The following EYS variants were observed in gnomAD, a reference collection of about 807,000 sequenced individuals.
The protein encoded by EYS is protein eyes shut homolog.
In EYS, 250 loss-of-function variants were observed where a neutral mutation model predicts 282.1. The observed-to-expected ratio is 0.89, with a 90% CI of 0.80 to 0.98. The LOEUF (loss-of-function observed/expected upper bound fraction) is 0.98, where lower values mean the gene tolerates loss of function less well. EYS is among the 50% of genes least tolerant of loss of function. The probability of loss-of-function intolerance (pLI) is 0.00; values close to 1 mark genes in which losing one functional copy is unlikely to be tolerated. For missense variants in EYS, 4,016 were observed against 3,709.0 expected (o/e 1.08, Z -2.15); for synonymous variants, 1,355 against 1,282.9 (o/e 1.06, Z -1.20).
intron 30 of EYS, among the ~76,000 whole-genome samples, chr6:64,265,232 G>A (rs1256625894): frequency 6.6e-6 from 1 of 152,080 alleles, no homozygotes. Flanking sequence ...TATGCATTTT[G>A]TAGAAGAATT....
intron 12 of EYS, among the ~76,000 whole-genome samples, chr6:65,214,751 G>T (rs1242347114): frequency 6.6e-6 from 1 of 152,154 alleles, no homozygotes; most frequent in Non-Finnish European, 1.5e-5. Flanking sequence ...CAAATCACAG[G>T]CTGACTCTTG....
chr6:65,583,372 G>C (rs1303009282), intron 2 of EYS, among the ~76,000 whole-genome samples: 3 of 152,010 alleles, frequency 2.0e-5, no homozygotes, highest in Admixed American at 6.6e-5. Context: ...CAATTACTAT[G>C]CTTTTCGTTA....
At position 65,395,355 on chromosome 6, in the gene EYS, G is replaced by A. The variant is rs570334616; in HGVS notation, c.1184+7123C>T. Among the ~76,000 whole-genome samples the A allele has an allele frequency of 9.9e-5, 15 of 152,282 alleles. No homozygotes were observed. In the East Asian group the frequency reaches 1.2e-3, roughly 12 times the overall value. Reference sequence around the variant, plus strand: ...TGGGATTACAGGCGTGAGCCACTGCGCCCAGCAATCTCAACCTTACTTTGC... The same window carrying A: ...TGGGATTACAGGCGTGAGCCACTGCACCCAGCAATCTCAACCTTACTTTGC... On this transcript the variant is annotated intron_variant, in intron 7 of 42. Transcript: ENST00000503581.
At chr6:65,006,957 T>A (rs1206629424) in intron 13 of EYS, among the ~76,000 whole-genome samples, 1 of 152,206 alleles carries the variant, frequency 6.6e-6, no homozygotes, top group Non-Finnish European at 1.5e-5. Context: ...TTTACAAGAA[T>A]GCATCTTGAT....
chr6:65,532,192 T>C (rs1317145270), intron 2 of EYS, among the ~76,000 whole-genome samples: 2 of 152,148 alleles, frequency 1.3e-5, no homozygotes, highest in East Asian at 1.9e-4. Flanking sequence ...TATATAATCA[T>C]ATGCTTAACA....
chr6:65,428,349 AATG>A (rs1204841007), intron 5 of EYS, among the ~76,000 whole-genome samples: 1 of 152,200 alleles, frequency 6.6e-6, no homozygotes, highest in African/African-American at 2.4e-5. Context: ...AATACATTGA[AATG>A]ATAAAAGGCT....
intron 36 of EYS, among the ~76,000 whole-genome samples, chr6:63,842,450 T>A (rs1771985927): frequency 6.6e-6 from 1 of 152,216 alleles, no homozygotes; most frequent in Non-Finnish European, 1.5e-5. Flanking sequence ...CACTTTTTGA[T>A]GGGGCTTGTT....
At chr6:65,033,182 GAA>G (rs953835860) in intron 13 of EYS, among the ~76,000 whole-genome samples, 1 of 151,956 alleles carries the variant, frequency 6.6e-6, no homozygotes, top group Non-Finnish European at 1.5e-5. Flanking sequence ...GTGGGAGAAA[GAA>G]ATGACCCAAA....
intron 22 of EYS, among the ~76,000 whole-genome samples, chr6:64,809,484 TA>T (rs1381210044): frequency 6.6e-6 from 1 of 151,794 alleles, no homozygotes; most frequent in African/African-American, 2.4e-5. Context: ...GGAACAAAAA[TA>T]TAAAAACTGA....
intron 31 of EYS, among the ~76,000 whole-genome samples, chr6:64,150,517 A>T (rs1287940961): frequency 6.6e-6 from 1 of 152,196 alleles, no homozygotes. Context: ...TATTTTTAGG[A>T]GATGATATTT....
At chr6:64,598,271 T>C (rs371507456) in intron 24 of EYS, among the ~76,000 whole-genome samples, 2 of 152,082 alleles carry the variant, frequency 1.3e-5, no homozygotes, top group East Asian at 1.9e-4. Context: ...CCATCCTTGC[T>C]AACACGGTGA....
At chr6:65,486,507 ACAGT>A (rs1765789187) in intron 5 of EYS, among the ~76,000 whole-genome samples, 1 of 152,236 alleles carries the variant, frequency 6.6e-6, no homozygotes, top group South Asian at 2.1e-4. Context: ...TTTGAACATT[ACAGT>A]AAGTTGCATT....
At chr6:64,804,089 G>C (rs1373297637) in intron 22 of EYS, among the ~76,000 whole-genome samples, 1 of 152,086 alleles carries the variant, frequency 6.6e-6, no homozygotes, top group Non-Finnish European at 1.5e-5. Context: ...GCAGTGGCTG[G>C]TCCAGATGGG....
At chr6:65,005,270 C>T (rs573171883) in intron 13 of EYS, among the ~76,000 whole-genome samples, 7 of 147,952 alleles carry the variant, frequency 4.7e-5, no homozygotes, top group Admixed American at 1.3e-4. Flanking sequence ...TAAGTGCCTG[C>T]GTTCATCCTA....
At chr6:65,008,399 A>G (rs1214193007) in intron 13 of EYS, among the ~76,000 whole-genome samples, 1 of 152,138 alleles carries the variant, frequency 6.6e-6, no homozygotes, top group Non-Finnish European at 1.5e-5. Flanking sequence ...ACCCTATTGA[A>G]CGTGGCAACC....
At chr6:64,872,715 G>A (rs1766631002) in intron 19 of EYS, among the ~76,000 whole-genome samples, 1 of 152,004 alleles carries the variant, frequency 6.6e-6, no homozygotes, top group African/African-American at 2.4e-5. Context: ...ATGATAGTGA[G>A]AGTAAACACA....
At chr6:65,160,959 C>A (rs150371146) in intron 12 of EYS, among the ~76,000 whole-genome samples, 1 of 149,584 alleles carries the variant, frequency 6.7e-6, no homozygotes, top group Non-Finnish European at 1.5e-5. Flanking sequence ...TATCTCCCTA[C>A]CTTCTATCTC....
At chr6:65,034,049 G>A (rs1048541867) in intron 13 of EYS, among the ~76,000 whole-genome samples, 6 of 152,174 alleles carry the variant, frequency 3.9e-5, no homozygotes, top group Admixed American at 6.6e-5. Context: ...TTATTTTGAA[G>A]CTTTAAGACT....
At chr6:64,316,082 C>G (rs928005402) in intron 29 of EYS, among the ~76,000 whole-genome samples, 1 of 152,132 alleles carries the variant, frequency 6.6e-6, no homozygotes, top group Non-Finnish European at 1.5e-5. Context: ...ATAATAAGAG[C>G]AATTAATGAC....
Sources: gnomAD v4.1 joint callset for allele counts (sites outside exome capture counted in the v4.1 genomes callset) on GRCh38, gnomAD v4.1.1 for gene constraint, MANE v1.5 for transcripts, NCBI Gene and HGNC (gene_info 2026-07-23, HGNC 2026-07-21) for gene names.